The following CHD1 variants were observed in gnomAD, a reference collection of about 807,000 sequenced individuals.
CHD1 encodes ATP-dependent chromatin remodeler CHD1.
A neutral mutation model predicts 224.2 loss-of-function variants in CHD1; 36 were observed. The ratio of observed to expected loss-of-function variants is 0.16; its 90% CI spans 0.12 to 0.21. The LOEUF is 0.21. CHD1 is among the 10% of genes least tolerant of loss of function. CHD1 has a pLI of 1.00. For synonymous variants in CHD1, 668 were observed against 658.3 expected, an observed-to-expected ratio of 1.01 and a Z score of -0.23; for missense variants, 1,378 against 1,994.8, an observed-to-expected ratio of 0.69 and a Z score of 5.89.
At chr5:98,904,841 A>C in intron 3 of CHD1, 56 bp downstream of exon 3, 9 of 1,482,366 alleles carry the variant, frequency 6.1e-6, no homozygotes, top group Non-Finnish European at 8.5e-6. Flanking sequence ...CAATCCTCTA[A>C]ATTTTCCCAA....
intron 10 of CHD1, among the ~76,000 whole-genome samples, chr5:98,897,817 T>A (rs1371539241): frequency 6.6e-6 from 1 of 152,184 alleles, no homozygotes; most frequent in African/African-American, 2.4e-5. Flanking sequence ...GCAAGGTAGT[T>A]CTGGATACTT....
chr5:98,909,483 T>C (rs1752252957), intron 2 of CHD1, among the ~76,000 whole-genome samples: 1 of 152,148 alleles, frequency 6.6e-6, no homozygotes, highest in African/African-American at 2.4e-5. Flanking sequence ...TATCCATCCA[T>C]TATAAAGCTC....
intron 5 of CHD1, 96 bp from the exon 6 acceptor site, chr5:98,901,431 T>C (rs1751705674): frequency 8.7e-6 from 8 of 922,900 alleles, no homozygotes; most frequent in Non-Finnish European, 1.3e-5. Flanking sequence ...CTATATTCGC[T>C]ATCAAAAATA....
At chr5:98,860,300 TTA>T (rs1244973861) in intron 32 of CHD1, 4 of 464,960 alleles carry the variant, frequency 8.6e-6, no homozygotes, top group South Asian at 1.8e-5. Context: ...TCGCTTCATT[TTA>T]TAGTCTTTAG....
At chr5:98,883,772 T>C (rs1750373921) in intron 18 of CHD1, 1 of 170,950 alleles carries the variant, frequency 5.8e-6, no homozygotes, top group Non-Finnish European at 1.1e-5. Flanking sequence ...TACTCAGCCA[T>C]AAAGAAGAAT....
intron 3 of CHD1, 127 bp from the exon 4 acceptor site, chr5:98,904,035 A>G (rs549733936): frequency 1.7e-6 from 1 of 601,132 alleles, no homozygotes; most frequent in African/African-American, 1.9e-5. Context: ...TTCCTTACCT[A>G]TATGTAACAC....
At chr5:98,923,149 G>A (rs1428238765) in intron 2 of CHD1, among the ~76,000 whole-genome samples, 1 of 152,120 alleles carries the variant, frequency 6.6e-6, no homozygotes, top group East Asian at 1.9e-4. Context: ...AGCTTCTGGG[G>A]AAGGGAGTGG....
At chr5:98,921,563 G>A (rs1245712634) in intron 2 of CHD1, among the ~76,000 whole-genome samples, 1 of 152,062 alleles carries the variant, frequency 6.6e-6, no homozygotes, top group Non-Finnish European at 1.5e-5. Context: ...TTCTATTTCT[G>A]TAGTTTTAAA....
At position 98,901,330 on chromosome 5, in the gene CHD1, T is replaced by A. The variant is rs930249230; in HGVS notation, c.443A>T (p.Asp148Val). 2.5e-6 allele frequency: 4 copies of A among 1,601,756 alleles called. No individual in the cohort carries two copies. In the Admixed American group the frequency reaches 5.3e-5, roughly 21 times the overall value. Residue 148 changes from aspartate (D) to valine (V), a missense_variant, in exon 6 of 36, where the codon GAT becomes GTT. Around this residue, in one of 16 missense-constraint regions of CHD1, gnomAD observed 306 missense variants for 298.1 expected, o/e 1.03. Transcript: ENST00000614616. ...EVKRKKHKDE[D>V]WQMSGSGSPS... is the part of the protein sequence containing the mutation. ...AGATCCTGACCCAGACATTTGCCAA[T>A]CTTCACTGCAGACAAAATTTATAAA...
At chr5:98,907,297 A>G (rs1026212653) in intron 2 of CHD1, among the ~76,000 whole-genome samples, 1 of 152,242 alleles carries the variant, frequency 6.6e-6, no homozygotes, top group Non-Finnish European at 1.5e-5. Flanking sequence ...GATAAAGAAT[A>G]TGCAAAAAGA....
rs1030085824 is a variant in CHD1, at chr5:98,926,478, T to C, written c.-92A>G. The C allele has an allele frequency of 8.1e-5, 48 of 594,872 alleles. No individual in the cohort carries two copies. The highest frequency in any genetic ancestry group is 1.2e-4 in the Non-Finnish European group (44 of 374,130). The allele number at this position is 594,872 out of a possible 1,614,324, so 36.8% of individuals were successfully genotyped here. On this transcript the variant is annotated 5_prime_UTR_variant, in exon 2 of 36. Transcript: ENST00000614616. ...ATACTGACTCCTTGAATATAAAAAT[T>C]CACAGATGAATTTTCTTCAACAGTC...
intron 2 of CHD1, among the ~76,000 whole-genome samples, chr5:98,914,251 A>G (rs1752604448): frequency 6.6e-6 from 1 of 152,202 alleles, no homozygotes; most frequent in Admixed American, 6.5e-5. Context: ...CTAGTATTGG[A>G]AGCCATACAT....
intron 13 of CHD1, among the ~76,000 whole-genome samples, chr5:98,894,034 TC>T (rs1347809092): frequency 1.3e-5 from 2 of 152,216 alleles, no homozygotes; most frequent in African/African-American, 4.8e-5. Flanking sequence ...TGTAGAACTC[TC>T]TTAAACTTAG....
intron 2 of CHD1, among the ~76,000 whole-genome samples, chr5:98,908,454 T>A (rs1003779823): frequency 6.6e-6 from 1 of 152,188 alleles, no homozygotes; most frequent in Non-Finnish European, 1.5e-5. Flanking sequence ...AGACCTTATG[T>A]TCCTTGAGCG....
chr5:98,919,780 C>G (rs192602175), intron 2 of CHD1, among the ~76,000 whole-genome samples: 1 of 152,090 alleles, frequency 6.6e-6, no homozygotes, highest in Non-Finnish European at 1.5e-5. Context: ...ACTATAGATA[C>G]GTAGGTATAC....
chr5:98,881,917 T>C lies in CHD1; in HGVS notation c.2867+58A>G, dbSNP rs576068729. On this transcript the variant is annotated intron_variant, in intron 20 of 35. Transcript: ENST00000614616. Reference sequence around the variant, plus strand: ...CAATGATCTACAGTGATGTAACATATCAAAAATATGAGTTTACTGACTCTA... The same window carrying C: ...CAATGATCTACAGTGATGTAACATACCAAAAATATGAGTTTACTGACTCTA... 122 of 1,446,878 alleles carry C rather than the reference T, an allele frequency of 8.4e-5. No individual in the cohort carries two copies. In the South Asian group the frequency reaches 1.1e-3, roughly 13 times the overall value. The allele number at this position is 1,446,878 out of a possible 1,614,324, so 89.6% of individuals were successfully genotyped here. A position where few individuals can be genotyped will look rare whatever the true frequency, so the allele number is the denominator to read the frequency against.
rs755864254 is a variant in CHD1 at position 98,856,652 on chromosome 5, C to T, written c.4861G>A (p.Gly1621Arg). Reference sequence around the variant, plus strand: ...GAATGAGATCTATCTTTTAAACTTCCTTCCAAATTTGACCTGTGATCTCTA... The same window carrying T: ...GAATGAGATCTATCTTTTAAACTTCTTTCCAAATTTGACCTGTGATCTCTA... The part of the protein sequence containing the change: ...RSRDHRSNLE[G>R]SLKDRSHSDH... Residue 1621 changes from glycine (G) to arginine (R), a missense_variant, in exon 36 of 36, where the codon GGA (glycine) becomes AGA (arginine). Coordinates refer to ENST00000614616, the MANE Select transcript of CHD1 (RefSeq NM_001270.4). The T allele has an allele frequency of 1.2e-6, 2 of 1,613,732 alleles. No homozygotes were observed. Among genetic ancestry groups the T allele is most frequent in the South Asian group, 1.1e-5 (1 of 91,058 alleles).
intron 18 of CHD1, among the ~76,000 whole-genome samples, chr5:98,885,217 C>A (rs1750563839): frequency 1.3e-5 from 2 of 152,048 alleles, no homozygotes; most frequent in South Asian, 2.1e-4. Context: ...CATGGTGAAG[C>A]CCCATCTCTA....
At chr5:98,876,274 ACT>A in intron 24 of CHD1, 122 bp downstream of exon 24, 1 of 935,778 alleles carries the variant, frequency 1.1e-6, no homozygotes, top group African/African-American at 1.6e-5. Flanking sequence ...CCCAATTCCT[ACT>A]CAAATAACAG....
Sources: allele counts gnomAD v4.1 joint callset (sites outside exome capture counted in the v4.1 genomes callset), GRCh38; gene constraint gnomAD v4.1.1; regional missense constraint gnomAD v4.1.1; transcripts MANE v1.5; gene names NCBI Gene and HGNC (gene_info 2026-07-23, HGNC 2026-07-21).